The following EXOC1 variants were observed in gnomAD, a reference collection of about 807,000 sequenced individuals.
EXOC1 encodes exocyst complex component 1.
In EXOC1, 67 loss-of-function variants were observed where a neutral mutation model predicts 107.7. The ratio of observed to expected loss-of-function variants is 0.62; its 90% CI spans 0.51 to 0.76. The LOEUF (loss-of-function observed/expected upper bound fraction) is 0.76, where lower values mean the gene tolerates loss of function less well. EXOC1 is among the 30% of genes least tolerant of loss of function. EXOC1 has a pLI of 0.00. For missense variants in EXOC1, 833 were observed against 1,055.7 expected, an observed-to-expected ratio of 0.79 and a Z score of 2.92; for synonymous variants, 348 against 353.5, an observed-to-expected ratio of 0.98 and a Z score of 0.17.
Position 55,899,774 on chromosome 4 carries a change from T to G in EXOC1, c.2227T>G (p.Leu743Val). ...FHHIFATLSRLKISCLEAEKK... is the reference protein window; with the variant it reads ...FHHIFATLSRVKISCLEAEKK... ...CCATATTTTTGCAACTCTTTCTCGA[T>G]TGAAAATCTCATGTCTAGAAGCAGA... is the stretch of plus-strand genomic sequence containing the variant. The change falls in exon 17 of 19, where the codon TTG (leucine) becomes GTG (valine). Residue 743 changes from leucine (L) to valine (V), a missense_variant. Coordinates refer to ENST00000381295, the MANE Select transcript of EXOC1 (RefSeq NM_001024924.2). 1 of 1,613,754 alleles carries G rather than the reference T, an allele frequency of 6.2e-7. No homozygotes were observed. The highest frequency in any genetic ancestry group is 8.5e-7 in the Non-Finnish European group (1 of 1,179,772).
intron 16 of EXOC1, among the ~76,000 whole-genome samples, chr4:55,897,237 C>T (rs1725334215): frequency 6.6e-6 from 1 of 151,620 alleles, no homozygotes; most frequent in Admixed American, 6.6e-5. Context: ...AAAGATCCTC[C>T]TACCTCACCC....
intron 8 of EXOC1, chr4:55,877,417 C>T: frequency 1.3e-5 from 13 of 985,372 alleles, no homozygotes; most frequent in Non-Finnish European, 1.4e-5. Flanking sequence ...AAGTAAGACT[C>T]AGATGACCAA....
intron 5 of EXOC1, among the ~76,000 whole-genome samples, chr4:55,870,419 G>A (rs1722320079): frequency 6.6e-6 from 1 of 152,216 alleles, no homozygotes; most frequent in South Asian, 2.1e-4. Flanking sequence ...TGTGCAGTCT[G>A]TGGAAATATA....
intron 1 of EXOC1, among the ~76,000 whole-genome samples, chr4:55,855,229 C>A (rs932857125): frequency 6.6e-6 from 1 of 152,058 alleles, no homozygotes; most frequent in Non-Finnish European, 1.5e-5. Context: ...CAAAGAGAAC[C>A]AGATTTTGTA....
chr4:55,873,772 C>T (rs1722654157), intron 8 of EXOC1, among the ~76,000 whole-genome samples: 1 of 152,130 alleles, frequency 6.6e-6, no homozygotes, highest in South Asian at 2.1e-4. Context: ...TGCATCAGGT[C>T]ACCTAGCAAA....
intron 5 of EXOC1, among the ~76,000 whole-genome samples, chr4:55,869,585 T>C (rs1722247031): frequency 6.6e-6 from 1 of 152,084 alleles, no homozygotes; most frequent in South Asian, 2.1e-4. Flanking sequence ...ATTATATGAA[T>C]AGTCCAGGCT....
rs1722901992 is a variant in EXOC1 at position 55,876,452 on chromosome 4, A to G, written c.1075-1465A>G. On this transcript the variant is annotated intron_variant, in intron 8 of 18. Coordinates refer to ENST00000381295, the MANE Select transcript of EXOC1 (RefSeq NM_001024924.2). ...TGTTTTTGCAACAAAAAATATGAAT[A>G]GTCACTCTAAGCACTATAAATAGGC... The G allele has an allele frequency of 9.6e-6, 6 of 626,896 alleles. No homozygotes were observed. The South Asian group carries it at 4.2e-4, about 44-fold the overall frequency. 38.8% of individuals were successfully genotyped at this position (626,896 alleles called of 1,614,324 possible). A position where few individuals can be genotyped will look rare whatever the true frequency, so the allele number is the denominator to read the frequency against.
rs1378640315 is a variant in EXOC1, at chr4:55,890,476, G to A, written c.1539+90G>A. 5.6e-6 allele frequency: 6 copies of A among 1,074,726 alleles called. No individual in the cohort carries two copies. In the African/African-American group the frequency reaches 6.4e-5, roughly 12 times the overall value. 66.6% of individuals were successfully genotyped at this position (1,074,726 alleles called of 1,614,324 possible). A position where few individuals can be genotyped will look rare whatever the true frequency, so the allele number is the denominator to read the frequency against. The stretch of plus-strand genomic sequence containing the variant: ...GCTCTAAGTGTGTTCAAAGATTTGG[G>A]TTCTTCTGGCTCTCTTAAGCATTAA... On this transcript the variant is annotated intron_variant, in intron 12 of 18. Coordinates refer to ENST00000381295, the MANE Select transcript of EXOC1 (RefSeq NM_001024924.2).
intron 8 of EXOC1, chr4:55,876,414 C>T: frequency 1.4e-6 from 1 of 696,502 alleles, no homozygotes; most frequent in Non-Finnish European, 1.8e-6. Context: ...ATTATATAAT[C>T]ACTCCAAGCA....
Position 55,878,033 on chromosome 4 carries a change from T to C in EXOC1, c.1191T>C (p.Ser397=). 2 of 1,613,558 alleles carry C rather than the reference T, an allele frequency of 1.2e-6. No individual in the cohort carries two copies. The highest frequency in any genetic ancestry group is 1.7e-6 in the Non-Finnish European group (2 of 1,179,766). The change falls in exon 9 of 19, where the codon AGT becomes AGC. Residue 397 remains serine, a synonymous_variant. Transcript: ENST00000381295. ...RYAKLMEWLK[S]TDYGKYEGLT... is the part of the protein sequence containing the mutation. ...CCAAGCTGATGGAGTGGCTAAAGAG[T>C]ACAGATTATGGAAAATATGAAGGAC...
chr4:55,870,904 T>C lies in EXOC1; in HGVS notation c.830T>C (p.Val277Ala), dbSNP rs1459225157. 1 of 1,608,616 alleles carries C rather than the reference T, an allele frequency of 6.2e-7. No homozygotes were observed. Among genetic ancestry groups the C allele is most frequent in the Non-Finnish European group, 8.5e-7 (1 of 1,177,324 alleles). The part of the protein sequence containing the change: ...VKLLSEIEFL[V>A]NHMDLAKGHI... Reference sequence around the variant, plus strand: ...CTCCTATCTGAGATAGAGTTCCTTGTGGTAAGTATGATCATAAATTACCAA... The same window carrying C: ...CTCCTATCTGAGATAGAGTTCCTTGCGGTAAGTATGATCATAAATTACCAA... The change falls in exon 6 of 19, where the codon GTG (valine) becomes GCG (alanine). Residue 277 changes from valine to alanine, a missense_variant and splice_region_variant. Physicochemically the swap from Val to Ala is moderately conservative, Grantham distance 64. Transcript: ENST00000381295.
chr4:55,858,344 A>C lies in EXOC1; in HGVS notation c.21A>C (p.Ala7=). MTAIKH[A]LQRDIFTPND... ...AAAAGATGACAGCAATCAAGCATGCATTACAAAGAGACATTTTTACACCAA... is the reference window on the plus strand; with the variant it reads ...AAAAGATGACAGCAATCAAGCATGCCTTACAAAGAGACATTTTTACACCAA... Residue 7 remains alanine (A), a synonymous_variant, in exon 2 of 19, where the codon GCA becomes GCC. Transcript: ENST00000381295. 3 of 1,608,854 alleles carry C rather than the reference A, an allele frequency of 1.9e-6. No individual in the cohort carries two copies. The highest frequency in any genetic ancestry group is 1.7e-6 in the Non-Finnish European group (2 of 1,177,760).
chr4:55,858,300 T>G lies in EXOC1; in HGVS notation c.-10-14T>G, dbSNP rs1560327118. 6.3e-7 allele frequency: 1 copy of G among 1,595,158 alleles called. No homozygotes were observed. On this transcript the variant is annotated splice_polypyrimidine_tract_variant and intron_variant, in intron 1 of 18. Transcript: ENST00000381295. The stretch of plus-strand genomic sequence containing the variant: ...TTGAGGGTGAGCTTAATATCTATAC[T>G]CCACATTTTTCAGCTGAGAAAAGAT...
At chr4:55,861,280 T>C (rs1275887148) in intron 3 of EXOC1, among the ~76,000 whole-genome samples, 3 of 152,198 alleles carry the variant, frequency 2.0e-5, no homozygotes, top group African/African-American at 7.2e-5. Context: ...AGAGAATACT[T>C]TGTACCACAA....
chr4:55,896,619 G>A, intron 15 of EXOC1, 98 bp from the exon 16 acceptor site: 1 of 932,516 alleles, frequency 1.1e-6, no homozygotes, highest in Non-Finnish European at 1.5e-6. Context: ...TGATATCTAT[G>A]TATATATCTA....
intron 4 of EXOC1, among the ~76,000 whole-genome samples, 172 bp downstream of exon 4, chr4:55,864,558 T>C (rs900782575): frequency 6.6e-6 from 1 of 152,206 alleles, no homozygotes; most frequent in African/African-American, 2.4e-5. Context: ...ATTAATACAT[T>C]ATGATAAATA....
At chr4:55,864,613 T>C (rs540187449) in intron 4 of EXOC1, among the ~76,000 whole-genome samples, 1 of 152,314 alleles carries the variant, frequency 6.6e-6, no homozygotes, top group East Asian at 1.9e-4. Flanking sequence ...GTTAGCACTT[T>C]GTTAGATATT....
chr4:55,870,632 G>GT (rs765286057), intron 5 of EXOC1, 46 bp from the exon 6 acceptor site: 28 of 1,391,148 alleles, frequency 2.0e-5, no homozygotes, highest in Non-Finnish European at 2.8e-5. Context: ...TATGTTTTTT[G>GT]TTTGTTTGTT....
rs1465480461 is a variant in EXOC1, at chr4:55,871,089, C to T, written c.832-12C>T. The T allele has an allele frequency of 1.9e-6, 3 of 1,611,754 alleles. No homozygotes were observed. Among genetic ancestry groups the T allele is most frequent in the Non-Finnish European group, 2.5e-6 (3 of 1,178,820 alleles). ...ATTACACATGCAAATGGTGTGTTTGCATATATTCTAGAACCACATGGACTT... is the reference window on the plus strand; with the variant it reads ...ATTACACATGCAAATGGTGTGTTTGTATATATTCTAGAACCACATGGACTT... On this transcript the variant is annotated splice_polypyrimidine_tract_variant and intron_variant, in intron 6 of 18. Coordinates refer to ENST00000381295, the MANE Select transcript of EXOC1 (RefSeq NM_001024924.2).
Sources: gnomAD v4.1 joint callset for allele counts (sites outside exome capture counted in the v4.1 genomes callset) on GRCh38, gnomAD v4.1.1 for gene constraint, MANE v1.5 for transcripts, NCBI Gene and HGNC (gene_info 2026-07-23, HGNC 2026-07-21) for gene names.